The following TBCK variants were observed in gnomAD, a reference collection of about 807,000 sequenced individuals.
TBCK encodes the protein TBC domain-containing protein kinase-like protein.
A neutral mutation model predicts 113.4 loss-of-function variants in TBCK; 99 were observed. That is an observed-to-expected ratio of 0.87 (90% CI 0.74 to 1.03). The LOEUF (loss-of-function observed/expected upper bound fraction) is 1.03, where lower values mean the gene tolerates loss of function less well. Ranked by LOEUF, TBCK falls within the 50% of genes least tolerant of loss-of-function variation. TBCK has a pLI of 0.00. For missense variants in TBCK, 1,045 were observed against 1,061.3 expected (o/e 0.98, Z 0.21); for synonymous variants, 369 against 370.8 (o/e 1.00, Z 0.05).
At position 106,233,000 on chromosome 4, in the gene TBCK, G is replaced by A; in HGVS notation, c.1577C>T (p.Ala526Val). 6.2e-7 allele frequency: 1 copy of A among 1,612,312 alleles called. No individual in the cohort carries two copies. The highest frequency in any genetic ancestry group is 1.3e-5 in the African/African-American group (1 of 74,938). ...GGCTTTTAATACACGCCTAAATTTT[G>A]CATGACCTTCTGGTGATGATAACAG... ...DELLSSPEGH[A>V]KFRRVLKAWV... The change falls in exon 17 of 26, where the codon GCA becomes GTA. Residue 526 changes from alanine to valine, a missense_variant. Transcript: ENST00000394708.
At chr4:106,189,799 G>C (rs1452753552) in intron 22 of TBCK, among the ~76,000 whole-genome samples, 2 of 151,922 alleles carry the variant, frequency 1.3e-5, no homozygotes, top group African/African-American at 4.8e-5. Context: ...TGGCCTACAA[G>C]ATGCTGCATG....
chr4:106,181,343 C>A (rs988234085), intron 22 of TBCK, among the ~76,000 whole-genome samples: 3 of 152,144 alleles, frequency 2.0e-5, no homozygotes, highest in Non-Finnish European at 4.4e-5. Flanking sequence ...ATGATAGATT[C>A]TTTTGCTGTG....
intron 10 of TBCK, among the ~76,000 whole-genome samples, chr4:106,246,652 A>C (rs1227953836): frequency 6.6e-6 from 1 of 152,124 alleles, no homozygotes; most frequent in Non-Finnish European, 1.5e-5. Flanking sequence ...GGCTCACTTA[A>C]AGATTCAGAA....
At chr4:106,052,896 T>C (rs1377995433) in intron 25 of TBCK, among the ~76,000 whole-genome samples, 1 of 151,716 alleles carries the variant, frequency 6.6e-6, no homozygotes, top group African/African-American at 2.4e-5. Context: ...TTGTACTGTT[T>C]TGATGCAAAC....
intron 25 of TBCK, among the ~76,000 whole-genome samples, chr4:106,072,883 C>T (rs1040503533): frequency 2.0e-5 from 3 of 152,114 alleles, no homozygotes; most frequent in Non-Finnish European, 2.9e-5. Flanking sequence ...TCCACTTGAT[C>T]GAATCAGCTA....
chr4:106,173,012 T>C lies in TBCK; in HGVS notation c.2060-1742A>G, dbSNP rs560330347. On this transcript the variant is annotated intron_variant, in intron 22 of 25. Coordinates refer to ENST00000394708, the MANE Select transcript of TBCK (RefSeq NM_001163435.3). ...AACTTAGATTTGGAATATGAAAAGA[T>C]AGTCTGATAAGACCAGTTACTCAAT... Among the ~76,000 whole-genome samples, 5 of 152,276 alleles carry C rather than the reference T, an allele frequency of 3.3e-5. No homozygotes were observed. The East Asian group carries it at 7.7e-4, about 24-fold the overall frequency.
intron 22 of TBCK, among the ~76,000 whole-genome samples, chr4:106,188,568 GA>G (rs1434654781): frequency 6.6e-6 from 1 of 152,078 alleles, no homozygotes; most frequent in Non-Finnish European, 1.5e-5. Flanking sequence ...TCACAAACCA[GA>G]AACCCTTATC....
At chr4:106,070,204 TC>T (rs1402596983) in intron 25 of TBCK, among the ~76,000 whole-genome samples, 4 of 152,206 alleles carry the variant, frequency 2.6e-5, no homozygotes, top group Admixed American at 2.6e-4. Flanking sequence ...AGAGAGGGCA[TC>T]CCTGTCTTGT....
At chr4:106,232,655 C>T (rs566877286) in intron 17 of TBCK, among the ~76,000 whole-genome samples, 3 of 151,944 alleles carry the variant, frequency 2.0e-5, no homozygotes, top group East Asian at 1.9e-4. Flanking sequence ...TTTGCATAGG[C>T]GTTTAAAAAA....
chr4:106,194,779 G>A (rs1754033452), intron 20 of TBCK, 25 bp from the exon 21 acceptor site: 2 of 1,551,434 alleles, frequency 1.3e-6, no homozygotes, highest in Admixed American at 2.1e-5. Context: ...AGGGGTACAG[G>A]GAATGGATAA....
intron 19 of TBCK, among the ~76,000 whole-genome samples, chr4:106,222,909 T>A (rs1044231439): frequency 6.6e-6 from 1 of 152,114 alleles, no homozygotes; most frequent in African/African-American, 2.4e-5. Context: ...AGAAAAGTAA[T>A]CTTTAGAGCT....
chr4:106,311,200 T>TACACAC lies in TBCK; in HGVS notation c.-29-2217_-29-2212dup, dbSNP rs36011277. ...GCTATTATATTCCTACAGAAACTCC[T>TACACAC]ACACACACACACACACACACACACA... On this transcript the variant is annotated intron_variant, in intron 1 of 25. Coordinates refer to ENST00000394708, the MANE Select transcript of TBCK (RefSeq NM_001163435.3). 2.0e-3 allele frequency among the ~76,000 whole-genome samples: 275 copies of TACACAC among 138,278 alleles called. 3 individuals carry two copies. The highest frequency in any genetic ancestry group is 7.6e-3 in the Admixed American group (104 of 13,638). The allele number at this position is 138,278 out of a possible 152,430, so 90.7% of individuals were successfully genotyped here.
At chr4:106,214,385 TGA>T (rs1397916355) in intron 19 of TBCK, among the ~76,000 whole-genome samples, 2 of 152,116 alleles carry the variant, frequency 1.3e-5, no homozygotes, top group Non-Finnish European at 2.9e-5. Flanking sequence ...TTTGACGAGC[TGA>T]GAGAAGGCTT....
In TBCK at chr4:106,213,795, G is replaced by T. The variant is rs536901455; in HGVS notation, c.1775-960C>A. ...AGGCGGCAGCGAGGCTGGGGGAGGG[G>T]CGCCCACCATTGCCCAGGCTTGCTT... On this transcript the variant is annotated intron_variant, in intron 19 of 25. Coordinates refer to ENST00000394708, the MANE Select transcript of TBCK (RefSeq NM_001163435.3). The T allele has an allele frequency of 3.2e-3, 495 of 156,398 alleles. 2 individuals carry two copies. The highest frequency in any genetic ancestry group is 4.3e-3 in the Non-Finnish European group (309 of 71,358). 9.7% of individuals were successfully genotyped at this position (156,398 alleles called of 1,614,324 possible).
intron 25 of TBCK, among the ~76,000 whole-genome samples, chr4:106,081,687 A>C (rs1215242948): frequency 6.6e-6 from 1 of 152,176 alleles, no homozygotes; most frequent in Non-Finnish European, 1.5e-5. Context: ...GAATGGGAGA[A>C]TATATTTGCA....
intron 23 of TBCK, among the ~76,000 whole-genome samples, chr4:106,121,962 G>A (rs977748668): frequency 6.6e-6 from 1 of 152,124 alleles, no homozygotes; most frequent in Non-Finnish European, 1.5e-5. Context: ...ACAATTAAAA[G>A]AACTAGAAAA....
intron 22 of TBCK, among the ~76,000 whole-genome samples, chr4:106,185,359 C>A (rs934433779): frequency 6.6e-6 from 1 of 151,834 alleles, no homozygotes; most frequent in Non-Finnish European, 1.5e-5. Flanking sequence ...TGAGATTCAC[C>A]CTCTTACCAC....
intron 23 of TBCK, among the ~76,000 whole-genome samples, chr4:106,135,780 T>C (rs1424443544): frequency 7.1e-6 from 1 of 141,400 alleles, no homozygotes; most frequent in Non-Finnish European, 1.6e-5. Context: ...TTAAAGTCAA[T>C]GGGTGTAAAA....
intron 5 of TBCK, among the ~76,000 whole-genome samples, chr4:106,259,816 A>G (rs1762334224): frequency 6.6e-6 from 1 of 152,116 alleles, no homozygotes; most frequent in East Asian, 1.9e-4. Context: ...CCACACAAAT[A>G]TAACACAGAA....
Sources: gnomAD v4.1 joint callset for allele counts (sites outside exome capture counted in the v4.1 genomes callset) on GRCh38, gnomAD v4.1.1 for gene constraint, MANE v1.5 for transcripts, NCBI Gene and HGNC (gene_info 2026-07-23, HGNC 2026-07-21) for gene names.